Variants in LRP1B observed in about 807,000 individuals in gnomAD.
The protein encoded by LRP1B is LDL receptor related protein 1B.
Under a neutral mutation model 556.6 loss-of-function variants are expected in LRP1B, and 217 were observed. That is an observed-to-expected ratio of 0.39 (90% CI 0.35 to 0.44). The LOEUF (loss-of-function observed/expected upper bound fraction) is 0.44, where lower values mean the gene tolerates loss of function less well. Ranked by LOEUF, LRP1B falls within the 20% of genes least tolerant of loss-of-function variation. The probability of loss-of-function intolerance (pLI) is 1.00; values close to 1 mark genes in which losing one functional copy is unlikely to be tolerated. For missense variants in LRP1B, 5,053 were observed against 5,620.8 expected, an observed-to-expected ratio of 0.90 and a Z score of 3.23; for synonymous variants, 2,047 against 1,865.8, an observed-to-expected ratio of 1.10 and a Z score of -2.50.
chr2:141,756,884 C>T (rs964702029), intron 2 of LRP1B, among the ~76,000 whole-genome samples: 18 of 151,978 alleles, frequency 1.2e-4, no homozygotes, highest in Non-Finnish European at 2.6e-4. Context: ...ACATTTCTCA[C>T]AACATATTCT....
At chr2:141,875,794 G>T (rs1214285913) in intron 1 of LRP1B, among the ~76,000 whole-genome samples, 1 of 151,820 alleles carries the variant, frequency 6.6e-6, no homozygotes, top group African/African-American at 2.4e-5. Flanking sequence ...TGATATCAAG[G>T]TTCATGTATC....
chr2:141,191,047 C>T (rs1472516629), intron 6 of LRP1B, among the ~76,000 whole-genome samples: 2 of 151,918 alleles, frequency 1.3e-5, no homozygotes, highest in Non-Finnish European at 2.9e-5. Context: ...TGGTGGGAAA[C>T]AGAGAAATCT....
chr2:140,290,022 C>T (rs1057471037), intron 84 of LRP1B, among the ~76,000 whole-genome samples: 1 of 151,992 alleles, frequency 6.6e-6, no homozygotes, highest in Non-Finnish European at 1.5e-5. Context: ...AGTCTGTAAA[C>T]AGGATCTTTC....
At chr2:140,458,080 C>T (rs1301406362) in intron 60 of LRP1B, among the ~76,000 whole-genome samples, 6 of 151,982 alleles carry the variant, frequency 3.9e-5, no homozygotes, top group Non-Finnish European at 7.4e-5. Flanking sequence ...AAGATCATTG[C>T]CCTACTTTTT....
At chr2:142,000,528 T>G (rs1378064236) in intron 1 of LRP1B, among the ~76,000 whole-genome samples, 2 of 152,184 alleles carry the variant, frequency 1.3e-5, no homozygotes, top group African/African-American at 2.4e-5. Context: ...ATCAGCATAC[T>G]AAGAATAAGA....
chr2:142,101,281 TAA>T (rs1384202507), intron 1 of LRP1B, among the ~76,000 whole-genome samples: 4 of 151,888 alleles, frequency 2.6e-5, no homozygotes, highest in Admixed American at 6.6e-5. Flanking sequence ...ATTCACATAG[TAA>T]AAAAAGTTAT....
chr2:140,783,647 A>C (rs963959375), intron 32 of LRP1B, among the ~76,000 whole-genome samples: 1 of 152,202 alleles, frequency 6.6e-6, no homozygotes, highest in African/African-American at 2.4e-5. Flanking sequence ...GTTAATTTGT[A>C]CTGCAGAAGC....
intron 43 of LRP1B, among the ~76,000 whole-genome samples, chr2:140,548,259 G>A (rs1171029399): frequency 6.6e-6 from 1 of 152,072 alleles, no homozygotes; most frequent in Non-Finnish European, 1.5e-5. Flanking sequence ...TTGATATAAG[G>A]TTTAACTCCA....
chr2:140,368,399 A>G (rs965279460), intron 71 of LRP1B, among the ~76,000 whole-genome samples: 10 of 151,984 alleles, frequency 6.6e-5, no homozygotes, highest in African/African-American at 2.4e-4. Context: ...GCTTTAATGC[A>G]TGATAATACT....
At chr2:141,073,258 A>G (rs1699694792) in intron 7 of LRP1B, among the ~76,000 whole-genome samples, 1 of 152,038 alleles carries the variant, frequency 6.6e-6, no homozygotes, top group African/African-American at 2.4e-5. Context: ...AGAAGTTACC[A>G]AGTATTTTCA....
rs114414397 is a variant in LRP1B, at chr2:141,230,806, G to A, written c.593-1366C>T. 7.4e-3 allele frequency among the ~76,000 whole-genome samples: 1,124 copies of A among 152,244 alleles called. 11 individuals carry two copies. Among genetic ancestry groups the A allele is most frequent in the African/African-American group, 0.024 (1,008 of 41,528 alleles). ...TCATTATGCAAATGTCATTTTACTG[G>A]TGAGGAGTCTCCTAGCACTTTATCG... On this transcript the variant is annotated intron_variant, in intron 5 of 90. Transcript: ENST00000389484.
At chr2:141,796,992 CGAG>C (rs896689869) in intron 2 of LRP1B, among the ~76,000 whole-genome samples, 2 of 150,742 alleles carry the variant, frequency 1.3e-5, no homozygotes, top group African/African-American at 4.9e-5. Context: ...GTCCGTGTCT[CGAG>C]GAGTTTTTTC....
chr2:141,194,612 T>A (rs1681668125), intron 6 of LRP1B, among the ~76,000 whole-genome samples: 1 of 152,128 alleles, frequency 6.6e-6, no homozygotes, highest in Non-Finnish European at 1.5e-5. Context: ...GCCAAACCTA[T>A]CTGCAACCAT....
chr2:141,554,992 G>A (rs1235250510), intron 2 of LRP1B, among the ~76,000 whole-genome samples: 5 of 151,930 alleles, frequency 3.3e-5, no homozygotes, highest in Admixed American at 6.6e-5. Context: ...TAACCTAATA[G>A]CACCATCTGT....
chr2:141,716,750 C>A (rs888552874), intron 2 of LRP1B, among the ~76,000 whole-genome samples: 2 of 152,156 alleles, frequency 1.3e-5, no homozygotes, highest in African/African-American at 4.8e-5. Context: ...TGTTCAGTGA[C>A]TAAAAGCAAT....
At chr2:141,509,958 T>C (rs1684062627) in intron 2 of LRP1B, among the ~76,000 whole-genome samples, 1 of 152,064 alleles carries the variant, frequency 6.6e-6, no homozygotes, top group South Asian at 2.1e-4. Flanking sequence ...TTTCACAAAC[T>C]ATTTCAACCT....
At chr2:141,701,983 T>C (rs1460736094) in intron 2 of LRP1B, among the ~76,000 whole-genome samples, 2 of 151,936 alleles carry the variant, frequency 1.3e-5, no homozygotes, top group Non-Finnish European at 2.9e-5. Flanking sequence ...TGCAAGAAAT[T>C]ATGCTATTTA....
chr2:141,463,836 G>C, intron 3 of LRP1B, among the ~76,000 whole-genome samples: 1 of 135,338 alleles, frequency 7.4e-6, no homozygotes, highest in South Asian at 2.2e-4. Context: ...ATATATAATT[G>C]GATAATATTA....
At chr2:140,986,914 A>T (rs1457502274) in intron 17 of LRP1B, among the ~76,000 whole-genome samples, 1 of 152,218 alleles carries the variant, frequency 6.6e-6, no homozygotes, top group Non-Finnish European at 1.5e-5. Flanking sequence ...ATCACAATGC[A>T]AACAGCTACA....
Sources: gnomAD v4.1 joint callset for allele counts (sites outside exome capture counted in the v4.1 genomes callset) on GRCh38, gnomAD v4.1.1 for gene constraint, MANE v1.5 for transcripts, NCBI Gene and HGNC (gene_info 2026-07-23, HGNC 2026-07-21) for gene names.